Variants in VPS13A observed in about 807,000 individuals in gnomAD.
VPS13A encodes intermembrane lipid transfer protein VPS13A.
A neutral mutation model predicts 390.9 loss-of-function variants in VPS13A; 264 were observed. The ratio of observed to expected loss-of-function variants is 0.68; its 90% CI spans 0.61 to 0.75. VPS13A has a LOEUF of 0.75. Ranked by LOEUF, VPS13A falls within the 30% of genes least tolerant of loss-of-function variation. VPS13A has a pLI of 0.00. For missense variants in VPS13A, 3,409 were observed against 3,733.9 expected (o/e 0.91, Z 2.27); for synonymous variants, 1,231 against 1,227.1 (o/e 1.00, Z -0.07).
At chr9:77,339,458 A>G in intron 47 of VPS13A, 58 bp from the exon 48 acceptor site, 1 of 1,454,492 alleles carries the variant, frequency 6.9e-7, no homozygotes, top group South Asian at 1.3e-5. Context: ...TAGAATTTTG[A>G]GGCATATTAT....
chr9:77,385,828 G>A (rs1190216575), intron 68 of VPS13A, among the ~76,000 whole-genome samples: 5 of 151,762 alleles, frequency 3.3e-5, no homozygotes, highest in African/African-American at 1.2e-4. Flanking sequence ...CTAATTCTTA[G>A]GTTTATCAAG....
At chr9:77,270,570 A>G (rs527831313) in intron 23 of VPS13A, among the ~76,000 whole-genome samples, 1 of 152,288 alleles carries the variant, frequency 6.6e-6, no homozygotes, top group African/African-American at 2.4e-5. Context: ...GCACACCTGT[A>G]GTCCCAGCTA....
chr9:77,186,683 G>A (rs142453846), intron 1 of VPS13A, among the ~76,000 whole-genome samples: 9 of 152,008 alleles, frequency 5.9e-5, no homozygotes, highest in East Asian at 1.9e-4. Flanking sequence ...TAATCTGCCC[G>A]CCTCGGCCTC....
chr9:77,229,445 C>G (rs1436065529), intron 17 of VPS13A, among the ~76,000 whole-genome samples: 1 of 152,176 alleles, frequency 6.6e-6, no homozygotes, highest in African/African-American at 2.4e-5. Flanking sequence ...TGCCCCCTTA[C>G]CCAGCCCCTG....
At chr9:77,250,704 G>A (rs1825106070) in intron 21 of VPS13A, among the ~76,000 whole-genome samples, 1 of 152,158 alleles carries the variant, frequency 6.6e-6, no homozygotes, top group Non-Finnish European at 1.5e-5. Flanking sequence ...TGACAGTCAT[G>A]GACAGCCATA....
At chr9:77,352,611 C>G (rs1454460814) in intron 53 of VPS13A, among the ~76,000 whole-genome samples, 1 of 152,074 alleles carries the variant, frequency 6.6e-6, no homozygotes. Flanking sequence ...AAAGATAAAT[C>G]AGACATTCAC....
At chr9:77,415,822 G>A in intron 71 of VPS13A, 134 bp from the exon 72 acceptor site, 1 of 987,594 alleles carries the variant, frequency 1.0e-6, no homozygotes, top group Non-Finnish European at 1.6e-6. Flanking sequence ...TTTGCAGGAT[G>A]AATTTTATGT....
intron 23 of VPS13A, among the ~76,000 whole-genome samples, chr9:77,263,111 T>TTC (rs1384637777): frequency 6.6e-6 from 1 of 151,484 alleles, no homozygotes; most frequent in African/African-American, 2.4e-5. Context: ...TCCCAACTTT[T>TTC]TTTTTTTTTT....
intron 24 of VPS13A, among the ~76,000 whole-genome samples, chr9:77,274,325 AG>A (rs1826515376): frequency 6.6e-6 from 1 of 151,502 alleles, no homozygotes; most frequent in Admixed American, 6.6e-5. Context: ...CGACTCGGGA[AG>A]CTGAGGCAGG....
intron 35 of VPS13A, among the ~76,000 whole-genome samples, chr9:77,312,676 A>G (rs577449494): frequency 6.6e-6 from 1 of 152,078 alleles, no homozygotes; most frequent in Non-Finnish European, 1.5e-5. Context: ...TGGCCTCCCA[A>G]AGTGCTGGGA....
rs201212491 is a variant in VPS13A, at chr9:77,275,471, A to G, written c.2513-27A>G. On this transcript the variant is annotated intron_variant, in intron 24 of 71. Coordinates refer to ENST00000360280, the MANE Select transcript of VPS13A (RefSeq NM_033305.3). ...GTTAAATTGATCATTTTAATTATTG[A>G]CTTAAATAATGTTCTGTGAAATGTA... 4.6e-5 allele frequency: 74 copies of G among 1,606,234 alleles called. No homozygotes were observed. The African/African-American group carries it at 8.8e-4, about 19-fold the overall frequency.
intron 68 of VPS13A, among the ~76,000 whole-genome samples, chr9:77,385,438 A>G (rs868720329): frequency 4.0e-5 from 6 of 150,472 alleles, no homozygotes; most frequent in South Asian, 2.1e-4. Context: ...TGCATCTACT[A>G]TATTTCTATT....
intron 5 of VPS13A, among the ~76,000 whole-genome samples, chr9:77,207,609 C>T (rs1387884448): frequency 6.6e-6 from 1 of 151,776 alleles, no homozygotes; most frequent in East Asian, 1.9e-4. Context: ...CCCTGTTCTC[C>T]CATGTACAAA....
chr9:77,341,487 A>G (rs1442426350), intron 50 of VPS13A, among the ~76,000 whole-genome samples: 1 of 152,024 alleles, frequency 6.6e-6, no homozygotes, highest in Non-Finnish European at 1.5e-5. Context: ...CTGTGGATTA[A>G]TGTATTTCAT....
At chr9:77,341,517 A>G (rs533255294) in intron 50 of VPS13A, among the ~76,000 whole-genome samples, 84 of 151,874 alleles carry the variant, frequency 5.5e-4, no homozygotes, top group Admixed American at 2.5e-3. Flanking sequence ...AAAATTTGCT[A>G]CTATTGTTTC....
At chr9:77,325,082 C>T (rs1420420172) in intron 45 of VPS13A, among the ~76,000 whole-genome samples, 2 of 152,164 alleles carry the variant, frequency 1.3e-5, no homozygotes, top group East Asian at 1.9e-4. Flanking sequence ...TTCATAAGAA[C>T]CAAAAATCAG....
At chr9:77,245,192 A>G (rs1023759479) in intron 19 of VPS13A, among the ~76,000 whole-genome samples, 6 of 152,232 alleles carry the variant, frequency 3.9e-5, no homozygotes, top group African/African-American at 1.4e-4. Flanking sequence ...CATTAAAAAC[A>G]ACTTAGAGAA....
intron 69 of VPS13A, among the ~76,000 whole-genome samples, chr9:77,405,541 A>G (rs1834562699): frequency 1.3e-5 from 2 of 152,238 alleles, no homozygotes; most frequent in Admixed American, 6.5e-5. Flanking sequence ...CACAAATTTT[A>G]TGGTGTATTT....
chr9:77,274,976 A>T (rs185454065), intron 24 of VPS13A, among the ~76,000 whole-genome samples: 2 of 152,152 alleles, frequency 1.3e-5, no homozygotes, highest in African/African-American at 4.8e-5. Context: ...TGTGTATTAC[A>T]TATCAACGTA....
Sources: allele counts gnomAD v4.1 joint callset (sites outside exome capture counted in the v4.1 genomes callset), GRCh38; gene constraint gnomAD v4.1.1; transcripts MANE v1.5; gene names NCBI Gene and HGNC (gene_info 2026-07-23, HGNC 2026-07-21).